BMAL1: variants seen among roughly 807,000 people sequenced by gnomAD.
BMAL1 encodes the protein basic helix-loop-helix ARNT like 1.
chr11:13,365,882 C>T, the BMAL1 span, among the ~76,000 whole-genome samples: 1 of 152,168 alleles, frequency 6.6e-6, no homozygotes, highest in Non-Finnish European at 1.5e-5. Flanking sequence ...AAGAGGCTAT[C>T]TGACAAGGGA....
At chr11:13,307,210 TGTAG>T in the BMAL1 span, among the ~76,000 whole-genome samples, 1 of 152,212 alleles carries the variant, frequency 6.6e-6, no homozygotes, top group Non-Finnish European at 1.5e-5. Flanking sequence ...TTGAAGAATA[TGTAG>T]TCTGGCAGTG....
the BMAL1 span, chr11:13,378,265 T>C: frequency 6.8e-7 from 1 of 1,470,014 alleles, no homozygotes; most frequent in Non-Finnish European, 9.0e-7. Flanking sequence ...GATAAACTGG[T>C]TTTACTTTAA....
the BMAL1 span, among the ~76,000 whole-genome samples, chr11:13,320,196 G>A: frequency 2.0e-5 from 3 of 151,104 alleles, no homozygotes; most frequent in African/African-American, 4.8e-5. Context: ...AGAAGGACAG[G>A]TCAGCTTACC....
At chr11:13,382,192 CT>C in the BMAL1 span, among the ~76,000 whole-genome samples, 1 of 152,158 alleles carries the variant, frequency 6.6e-6, no homozygotes, top group African/African-American at 2.4e-5. Context: ...AGCAATACTT[CT>C]TTTTTATACA....
the BMAL1 span, chr11:13,386,786 A>G: frequency 6.2e-7 from 1 of 1,606,908 alleles, no homozygotes; most frequent in African/African-American, 1.3e-5. Flanking sequence ...CAACAGCTAT[A>G]GTATCAAAGT....
the BMAL1 span, chr11:13,379,479 A>G: frequency 6.6e-6 from 1 of 152,274 alleles, no homozygotes; most frequent in African/African-American, 2.4e-5. Flanking sequence ...GGAAGGAGAC[A>G]TGAGGGTAGT....
chr11:13,309,631 C>G, the BMAL1 span, among the ~76,000 whole-genome samples: 1 of 152,034 alleles, frequency 6.6e-6, no homozygotes, highest in East Asian at 1.9e-4. Flanking sequence ...TCTAAGTGCC[C>G]GTAGTGTTCT....
chr11:13,277,989 C>G, the BMAL1 span: 1 of 151,412 alleles, frequency 6.6e-6, no homozygotes, highest in Non-Finnish European at 1.5e-5. Flanking sequence ...CCGTTAGCAC[C>G]CTCGCGGGCG....
chr11:13,354,152 A>C, the BMAL1 span: 3 of 714,416 alleles, frequency 4.2e-6, no homozygotes, highest in East Asian at 2.8e-5. Flanking sequence ...CGGGGGTGTG[A>C]GAGATGCATT....
chr11:13,383,991 A>G, the BMAL1 span, among the ~76,000 whole-genome samples: 155 of 152,330 alleles, frequency 1.0e-3, 2 homozygotes, highest in East Asian at 0.024. Flanking sequence ...GCTGCATACC[A>G]AAGTATGATG....
chr11:13,354,209 C>CCA, the BMAL1 span: 1 of 1,013,922 alleles, frequency 9.9e-7, no homozygotes, highest in Non-Finnish European at 1.4e-6. Flanking sequence ...GGCCCCCCAC[C>CCA]ACCAAACCCC....
the BMAL1 span, chr11:13,374,272 TC>T: frequency 1.5e-5 from 21 of 1,381,730 alleles, 1 homozygote; most frequent in East Asian, 4.8e-4. Context: ...AACATGACCT[TC>T]CAGGGAAATC....
the BMAL1 span, among the ~76,000 whole-genome samples, chr11:13,305,097 A>T: frequency 6.6e-6 from 1 of 152,180 alleles, no homozygotes; most frequent in Non-Finnish European, 1.5e-5. Flanking sequence ...GTCAAGGCTG[A>T]AACTGGAGAT....
chr11:13,351,488 C>A, the BMAL1 span, among the ~76,000 whole-genome samples: 1 of 152,180 alleles, frequency 6.6e-6, no homozygotes, highest in Non-Finnish European at 1.5e-5. Context: ...TTCAGGGTGA[C>A]ATCTAGGCTG....
chr11:13,291,048 A>G, the BMAL1 span, among the ~76,000 whole-genome samples: 882 of 152,308 alleles, frequency 5.8e-3, 11 homozygotes, highest in Non-Finnish European at 8.2e-3. Flanking sequence ...AACTCTTGCC[A>G]GCTAGTGCAT....
At chr11:13,323,103 A>T in the BMAL1 span, among the ~76,000 whole-genome samples, 3 of 151,696 alleles carry the variant, frequency 2.0e-5, no homozygotes, top group Non-Finnish European at 4.4e-5. Flanking sequence ...AGCCGTTGTG[A>T]GCAAGTCTTA....
At chr11:13,330,968 A>G in the BMAL1 span, among the ~76,000 whole-genome samples, 1 of 152,154 alleles carries the variant, frequency 6.6e-6, no homozygotes, top group Non-Finnish European at 1.5e-5. Flanking sequence ...GAGAGACACT[A>G]GTTTTAAGTA....
chr11:13,354,668 G>A, the BMAL1 span: 2 of 540,966 alleles, frequency 3.7e-6, no homozygotes, highest in Non-Finnish European at 6.4e-6. Flanking sequence ...TCCACTTCCT[G>A]TCCCCAAAAT....
chr11:13,326,700 GAT>G, the BMAL1 span, among the ~76,000 whole-genome samples: 6 of 136,474 alleles, frequency 4.4e-5, no homozygotes, highest in Admixed American at 3.2e-4. Context: ...TATATAGAGA[GAT>G]AATATAGAAG....
Sources: allele counts gnomAD v4.1 joint callset (sites outside exome capture counted in the v4.1 genomes callset), GRCh38; gene constraint gnomAD v4.1.1; transcripts MANE v1.5; gene names NCBI Gene and HGNC (gene_info 2026-07-23, HGNC 2026-07-21).